CYP2C19: variants seen among roughly 807,000 people sequenced by gnomAD.
CYP2C19 encodes cytochrome P450 family 2 subfamily C member 19.
A neutral mutation model predicts 40.9 loss-of-function variants in CYP2C19; 59 were observed. That is an observed-to-expected ratio of 1.44 (90% CI 1.17 to 1.79). The LOEUF is 1.79. CYP2C19 is among the 40% of genes most tolerant of loss of function. The probability of loss-of-function intolerance (pLI) is 0.00; values close to 1 mark genes in which losing one functional copy is unlikely to be tolerated. For missense variants in CYP2C19, 754 were observed against 596.9 expected, an observed-to-expected ratio of 1.26 and a Z score of -2.74; for synonymous variants, 253 against 208.7, an observed-to-expected ratio of 1.21 and a Z score of -1.83.
intron 7 of CYP2C19, among the ~76,000 whole-genome samples, chr10:94,844,320 T>C (rs1350683619): frequency 6.6e-6 from 1 of 152,232 alleles, no homozygotes; most frequent in Non-Finnish European, 1.5e-5. Context: ...TCGGCAGTCA[T>C]AATGACATAA....
At chr10:94,787,324 A>G (rs1848555302) in intron 5 of CYP2C19, among the ~76,000 whole-genome samples, 1 of 152,072 alleles carries the variant, frequency 6.6e-6, no homozygotes, top group African/African-American at 2.4e-5. Flanking sequence ...TTCTTTGCCC[A>G]CTTTTTAATG....
intron 6 of CYP2C19, among the ~76,000 whole-genome samples, chr10:94,834,089 T>C (rs1240258823): frequency 6.6e-6 from 1 of 152,208 alleles, no homozygotes; most frequent in African/African-American, 2.4e-5. Context: ...TAGTTCTTTG[T>C]TAAATGTTTG....
chr10:94,826,444 A>T (rs1849223589), intron 6 of CYP2C19, among the ~76,000 whole-genome samples: 1 of 152,052 alleles, frequency 6.6e-6, no homozygotes, highest in Non-Finnish European at 1.5e-5. Flanking sequence ...TTCACTCATG[A>T]TTTGGCACTC....
chr10:94,853,234 TA>T lies in CYP2C19; in HGVS notation c.*323del. 2.6e-6 allele frequency: 1 copy of T among 380,848 alleles called. No individual in the cohort carries two copies. The allele number at this position is 380,848 out of a possible 1,614,324, so 23.6% of individuals were successfully genotyped here. A position where few individuals can be genotyped will look rare whatever the true frequency, so the allele number is the denominator to read the frequency against. ...AAAGGCATTTCTTCTCTGCATGTTC[TA>T]AACAAAAAGCATTATTATTTGCTGA... is the stretch of plus-strand genomic sequence containing the variant. On this transcript the variant is annotated 3_prime_UTR_variant, in exon 9 of 9. Transcript: ENST00000371321.
intron 6 of CYP2C19, among the ~76,000 whole-genome samples, chr10:94,840,319 A>T (rs573961030): frequency 6.8e-6 from 1 of 147,866 alleles, no homozygotes; most frequent in African/African-American, 2.5e-5. Flanking sequence ...TCTCTTAGCC[A>T]TTACAAACTT....
intron 6 of CYP2C19, among the ~76,000 whole-genome samples, chr10:94,830,397 G>A (rs565632965): frequency 7.9e-5 from 12 of 152,284 alleles, no homozygotes; most frequent in South Asian, 2.1e-4. Context: ...CGCAGTATTC[G>A]GGTGGGAGTG....
chr10:94,846,438 G>T (rs2078952138), intron 7 of CYP2C19, among the ~76,000 whole-genome samples: 1 of 152,112 alleles, frequency 6.6e-6, no homozygotes, highest in Admixed American at 6.6e-5. Flanking sequence ...GACCTAATAA[G>T]TTGGAATCTG....
At chr10:94,850,338 C>T (rs576516427) in intron 8 of CYP2C19, among the ~76,000 whole-genome samples, 1 of 152,254 alleles carries the variant, frequency 6.6e-6, no homozygotes, top group Non-Finnish European at 1.5e-5. Flanking sequence ...TACTCAAGAA[C>T]TCCTCCTGGA....
At chr10:94,786,879 A>G (rs1237231920) in intron 5 of CYP2C19, among the ~76,000 whole-genome samples, 1 of 152,114 alleles carries the variant, frequency 6.6e-6, no homozygotes, top group Non-Finnish European at 1.5e-5. Context: ...CATAGTGTAT[A>G]TATACCACAT....
At chr10:94,811,624 A>T (rs1188540975) in intron 5 of CYP2C19, among the ~76,000 whole-genome samples, 1 of 151,934 alleles carries the variant, frequency 6.6e-6, no homozygotes, top group African/African-American at 2.4e-5. Flanking sequence ...TGATCCCCTT[A>T]ACATTATATG....
At chr10:94,790,097 T>C (rs1848586942) in intron 5 of CYP2C19, among the ~76,000 whole-genome samples, 1 of 151,826 alleles carries the variant, frequency 6.6e-6, no homozygotes, top group East Asian at 1.9e-4. Flanking sequence ...TTTTATTCTC[T>C]TTGTAGCAAT....
intron 6 of CYP2C19, among the ~76,000 whole-genome samples, chr10:94,823,880 A>G (rs527518139): frequency 5.3e-5 from 8 of 152,294 alleles, no homozygotes; most frequent in African/African-American, 1.9e-4. Context: ...ATATAGGACA[A>G]TGAGAGTGTC....
intron 5 of CYP2C19, among the ~76,000 whole-genome samples, chr10:94,813,640 C>T (rs538876351): frequency 6.6e-6 from 1 of 152,014 alleles, no homozygotes; most frequent in African/African-American, 2.4e-5. Context: ...ACACCCCCCC[C>T]AAGCTCGAAC....
chr10:94,826,816 A>G (rs548565374), intron 6 of CYP2C19, among the ~76,000 whole-genome samples: 1,542 of 152,228 alleles, frequency 0.01, 19 homozygotes, highest in Non-Finnish European at 0.018. Flanking sequence ...AGCTCTTATT[A>G]TTTTGAAATA....
intron 6 of CYP2C19, among the ~76,000 whole-genome samples, chr10:94,833,012 A>G (rs893571959): frequency 3.3e-5 from 5 of 152,074 alleles, no homozygotes; most frequent in Non-Finnish European, 5.9e-5. Context: ...ATTTTATTTT[A>G]TATATGGCTA....
chr10:94,842,061 G>A (rs541778299), intron 6 of CYP2C19, among the ~76,000 whole-genome samples: 3 of 152,246 alleles, frequency 2.0e-5, no homozygotes, highest in South Asian at 2.1e-4. Context: ...TTTCTATCTG[G>A]ATGACCTGTC....
rs572623395 is a variant in CYP2C19, at chr10:94,838,364, T to C, written c.962-4473T>C. Among the ~76,000 whole-genome samples the C allele has an allele frequency of 3.3e-5, 5 of 152,290 alleles. No individual in the cohort carries two copies. The South Asian group carries it at 8.3e-4, about 25-fold the overall frequency. On this transcript the variant is annotated intron_variant, in intron 6 of 8. Coordinates refer to ENST00000371321, the MANE Select transcript of CYP2C19 (RefSeq NM_000769.4). ...TGCAGATATGGTGGCAATTCTCTCA[T>C]TTGGGGTTAGTGTCTGATTTAGCAG...
Position 94,792,866 on chromosome 10 carries a change from C to A in CYP2C19, c.819+10869C>A, listed in dbSNP as rs539653770. Among the ~76,000 whole-genome samples the A allele has an allele frequency of 7.9e-5, 12 of 152,136 alleles. No homozygotes were observed. In the South Asian group the frequency reaches 2.3e-3, roughly 29 times the overall value. The stretch of plus-strand genomic sequence containing the variant: ...CTCTTCTCGAGGAGTATCTTTGTGG[C>A]ATTTTCTGTATTTCCTGAATGTGAA... On this transcript the variant is annotated intron_variant, in intron 5 of 8. Transcript: ENST00000371321.
At chr10:94,769,568 A>G (rs1179441745) in intron 1 of CYP2C19, among the ~76,000 whole-genome samples, 1 of 152,190 alleles carries the variant, frequency 6.6e-6, no homozygotes, top group East Asian at 1.9e-4. Flanking sequence ...TGATGAGTAT[A>G]AGATCTTGCA....
Sources: gnomAD v4.1 joint callset for allele counts (sites outside exome capture counted in the v4.1 genomes callset) on GRCh38, gnomAD v4.1.1 for gene constraint, MANE v1.5 for transcripts, NCBI Gene and HGNC (gene_info 2026-07-23, HGNC 2026-07-21) for gene names.